RNASET2: variants seen among roughly 807,000 people sequenced by gnomAD.
RNASET2 encodes ribonuclease 6.
In RNASET2, 28 loss-of-function variants were observed where a neutral mutation model predicts 33.9. That is an observed-to-expected ratio of 0.83 (90% CI 0.61 to 1.13). The LOEUF is 1.13. RNASET2 is among the 50% of genes most tolerant of loss of function. The probability of loss-of-function intolerance (pLI) is 0.00; values close to 1 mark genes in which losing one functional copy is unlikely to be tolerated. For synonymous variants in RNASET2, 123 were observed against 121.0 expected (o/e 1.02, Z -0.11); for missense variants, 330 against 319.9 (o/e 1.03, Z -0.24).
rs74546166 is a variant in RNASET2, at chr6:166,929,699, C to A, written c.660G>T (p.Pro220=). 2.5e-6 allele frequency: 4 copies of A among 1,614,022 alleles called. No homozygotes were observed. The highest frequency in any genetic ancestry group is 3.4e-6 in the Non-Finnish European group (4 of 1,179,994). ...CCAGCCAGACTTCCTGCTTGGGGGACGGCTGCTCCCCCGGCTCGGTGCAGT... is the reference window on the plus strand; with the variant it reads ...CCAGCCAGACTTCCTGCTTGGGGGAAGGCTGCTCCCCCGGCTCGGTGCAGT... ...LQNCTEPGEQ[P]SPKQEVWLAN... The change falls in exon 9 of 9, where the codon CCG becomes CCT. Residue 220 remains proline, a synonymous_variant. Transcript: ENST00000508775.
chr6:166,951,821 G>A (rs1358838148), intron 2 of RNASET2, among the ~76,000 whole-genome samples: 4 of 151,966 alleles, frequency 2.6e-5, no homozygotes, highest in African/African-American at 4.8e-5. Context: ...TTATGCCCTC[G>A]GTCTCTTGCC....
In RNASET2 at chr6:166,927,525, A is replaced by T. The variant is rs1350269165; in HGVS notation, c.*2063T>A. ...AATAAATACACGCTACTTAAAAAAA[A>T]GAATGGCTTCTTTAAAAACCGCAAA... On this transcript the variant is annotated 3_prime_UTR_variant, in exon 9 of 9. Coordinates refer to ENST00000508775, the MANE Select transcript of RNASET2 (RefSeq NM_003730.6). Among the ~76,000 whole-genome samples, 1 of 145,924 alleles carries T rather than the reference A, an allele frequency of 6.9e-6. No homozygotes were observed. Among genetic ancestry groups the T allele is most frequent in the Non-Finnish European group, 1.5e-5 (1 of 67,450 alleles).
In RNASET2 at chr6:166,924,341, C is replaced by T. The variant is rs985871102; in HGVS notation, c.*5247G>A. 6.6e-6 allele frequency among the ~76,000 whole-genome samples: 1 copy of T among 152,138 alleles called. No homozygotes were observed. The highest frequency in any genetic ancestry group is 1.5e-5 in the Non-Finnish European group (1 of 68,022). ...GTCTCGAACTCCTGACCTTGGGATC[C>T]GCCTGCCTTGGCCTCCCAAAGTGCT... On this transcript the variant is annotated 3_prime_UTR_variant, in exon 9 of 9. Transcript: ENST00000508775.
chr6:166,950,730 T>A (rs1220776055), intron 2 of RNASET2, among the ~76,000 whole-genome samples: 1 of 152,202 alleles, frequency 6.6e-6, no homozygotes, highest in Non-Finnish European at 1.5e-5. Context: ...GATGTGGGCA[T>A]GGAGCAAAAC....
chr6:166,942,904 A>C, intron 5 of RNASET2, 115 bp downstream of exon 5: 1 of 853,894 alleles, frequency 1.2e-6, no homozygotes, highest in Non-Finnish European at 2.0e-6. Flanking sequence ...GCTCAGCCCC[A>C]GAAGACAGAT....
At position 166,955,372 on chromosome 6, in the gene RNASET2, AACGCAC is replaced by A. The variant is rs1216159909; in HGVS notation, c.86+719_86+724del. On this transcript the variant is annotated intron_variant, in intron 1 of 8. Coordinates refer to ENST00000508775, the MANE Select transcript of RNASET2 (RefSeq NM_003730.6). ...GCACGCACACACACACGCACACACA[AACGCAC>A]ACGCACACACACACACGCGCACACA... The A allele has an allele frequency of 2.0e-4, 33 of 165,622 alleles. 3 individuals carry two copies. The highest frequency in any genetic ancestry group is 2.2e-4 in the Non-Finnish European group (32 of 146,942). 10.3% of individuals were successfully genotyped at this position (165,622 alleles called of 1,614,324 possible). A position where few individuals can be genotyped will look rare whatever the true frequency, so the allele number is the denominator to read the frequency against.
intron 4 of RNASET2, among the ~76,000 whole-genome samples, chr6:166,944,377 A>T (rs1026282831): frequency 2.0e-5 from 3 of 151,856 alleles, no homozygotes; most frequent in Non-Finnish European, 4.4e-5. Context: ...AGCACCCTAT[A>T]TGAGGGTCCT....
At chr6:166,936,424 T>C (rs1778570418) in intron 6 of RNASET2, among the ~76,000 whole-genome samples, 1 of 152,168 alleles carries the variant, frequency 6.6e-6, no homozygotes, top group South Asian at 2.1e-4. Flanking sequence ...CTGGGTAATT[T>C]ATTTAAAAAA....
In RNASET2 at chr6:166,956,153, C is replaced by G. The variant is rs544120215; in HGVS notation, c.30G>C (p.Leu10=). 1 of 1,550,578 alleles carries G rather than the reference C, an allele frequency of 6.4e-7. No individual in the cohort carries two copies. The highest frequency in any genetic ancestry group is 1.2e-5 in the South Asian group (1 of 84,028). Residue 10 remains leucine (L), a synonymous_variant, in exon 1 of 9, where the codon CTG becomes CTC. Transcript: ENST00000508775. ...GCAACGCCAGGCAGAGGCAGCCCAG[C>G]AGGGCCCCGCGCAGGGCTGCAGGGC... MRPAALRGA[L]LGCLCLALLC...
Position 166,933,558 on chromosome 6 carries a change from C to A in RNASET2, c.492+533G>T, listed in dbSNP as rs1045868158. ...CTTTCTAGAGGTCTCACTCTGCTGCCCAGGCTGGTCTCGAAATTCTAGCCA... is the reference window on the plus strand; with the variant it reads ...CTTTCTAGAGGTCTCACTCTGCTGCACAGGCTGGTCTCGAAATTCTAGCCA... On this transcript the variant is annotated intron_variant, in intron 7 of 8. Transcript: ENST00000508775. This position sits in a 1 kb window ranked among gnomAD's most constrained non-coding sequence, Gnocchi z 4.1. 1 of 169,726 alleles carries A rather than the reference C, an allele frequency of 5.9e-6. No individual in the cohort carries two copies. The highest frequency in any genetic ancestry group is 1.3e-5 in the Non-Finnish European group (1 of 79,364). 10.5% of individuals were successfully genotyped at this position (169,726 alleles called of 1,614,324 possible).
intron 6 of RNASET2, chr6:166,938,565 C>G: frequency 1.7e-6 from 1 of 589,058 alleles, no homozygotes; most frequent in Non-Finnish European, 3.4e-6. Flanking sequence ...TATTAATGCA[C>G]TATCCTTTAT....
chr6:166,929,483 G>T lies in RNASET2; in HGVS notation c.*105C>A. 8.2e-7 allele frequency: 1 copy of T among 1,221,658 alleles called. No individual in the cohort carries two copies. 75.7% of individuals were successfully genotyped at this position (1,221,658 alleles called of 1,614,324 possible). A position where few individuals can be genotyped will look rare whatever the true frequency, so the allele number is the denominator to read the frequency against. On this transcript the variant is annotated 3_prime_UTR_variant, in exon 9 of 9. Transcript: ENST00000508775. ...ACATCCAATTCACAGGCATGGAGGG[G>T]AAACAGCAAAATAAACAGACTTCAC...
chr6:166,944,745 C>A (rs1212550), intron 4 of RNASET2, among the ~76,000 whole-genome samples: 3 of 151,324 alleles, frequency 2.0e-5, no homozygotes, highest in Non-Finnish European at 4.4e-5. Context: ...TGCAGTCCTA[C>A]GGTGCCTCTT....
chr6:166,955,243 ACACACG>A (rs1363791665), intron 1 of RNASET2, among the ~76,000 whole-genome samples: 26 of 103,648 alleles, frequency 2.5e-4, no homozygotes, highest in African/African-American at 1.2e-3. Context: ...ACGCACGCAC[ACACACG>A]CACACACGCA....
rs58837223 is a variant in RNASET2, at chr6:166,927,713, CAAAA to C, written c.*1871_*1874del. Among the ~76,000 whole-genome samples the C allele has an allele frequency of 2.1e-5, 1 of 47,340 alleles. No individual in the cohort carries two copies. Among genetic ancestry groups the C allele is most frequent in the African/African-American group, 8.6e-5 (1 of 11,648 alleles). The allele number at this position is 47,340 out of a possible 152,430, so 31.1% of individuals were successfully genotyped here. ...TGATCCCTGTGTTCGCAAAATGACT[CAAAA>C]AAAAAAAAAAAAAAAAAAAGAATTG... is the stretch of plus-strand genomic sequence containing the variant. On this transcript the variant is annotated 3_prime_UTR_variant, in exon 9 of 9. Transcript: ENST00000508775.
intron 8 of RNASET2, 44 bp downstream of exon 8, chr6:166,931,000 T>C (rs1778423193): frequency 7.3e-7 from 1 of 1,360,958 alleles, no homozygotes; most frequent in Non-Finnish European, 1.1e-6. Context: ...AAGTAGAACC[T>C]GTCTTCTTGA....
chr6:166,934,338 C>T (rs1483562084), intron 6 of RNASET2: 3 of 587,954 alleles, frequency 5.1e-6, no homozygotes, highest in African/African-American at 1.9e-5. Flanking sequence ...TTAGCACACA[C>T]ACAAACTGCT....
At chr6:166,946,429 G>A (rs529078146) in intron 4 of RNASET2, among the ~76,000 whole-genome samples, 3 of 152,236 alleles carry the variant, frequency 2.0e-5, no homozygotes, top group Non-Finnish European at 2.9e-5. Context: ...TGCTCCGGTC[G>A]GAGCCCCTCG....
chr6:166,923,882 C>G lies in RNASET2; in HGVS notation c.*5706G>C, dbSNP rs948544028. On this transcript the variant is annotated 3_prime_UTR_variant, in exon 9 of 9. Transcript: ENST00000508775. ...ATTTTAACTTCTGAGTCTTTTCCAG[C>G]CTTCTGCAGTGATAGATCTAGCCAA... 6.6e-6 allele frequency among the ~76,000 whole-genome samples: 1 copy of G among 152,200 alleles called. No homozygotes were observed. The highest frequency in any genetic ancestry group is 1.5e-5 in the Non-Finnish European group (1 of 68,028).
Sources: gnomAD v4.1 joint callset for allele counts (sites outside exome capture counted in the v4.1 genomes callset) on GRCh38, gnomAD v4.1.1 for gene constraint, Gnocchi (gnomAD v3.1) non-coding constraint, MANE v1.5 for transcripts, NCBI Gene and HGNC (gene_info 2026-07-23, HGNC 2026-07-21) for gene names.